PKN3: variants seen among roughly 807,000 people sequenced by gnomAD.
PKN3 encodes the protein serine/threonine-protein kinase N3.
PKN3 carries 91 observed loss-of-function variants against 113.1 expected under a neutral mutation model. The ratio of observed to expected loss-of-function variants is 0.80; its 90% CI spans 0.68 to 0.96. PKN3 has a LOEUF of 0.96. Ranked by LOEUF, PKN3 falls within the 40% of genes least tolerant of loss-of-function variation. The probability of loss-of-function intolerance (pLI) is 0.00; values close to 1 mark genes in which losing one functional copy is unlikely to be tolerated. For missense variants in PKN3, 1,052 were observed against 1,202.2 expected (o/e 0.88, Z 1.85); for synonymous variants, 467 against 499.0 (o/e 0.94, Z 0.85).
At chr9:128,708,337 C>T (rs1157106066) in intron 6 of PKN3, among the ~76,000 whole-genome samples, 1 of 151,764 alleles carries the variant, frequency 6.6e-6, no homozygotes, top group Non-Finnish European at 1.5e-5. Context: ...GCTGAGATTG[C>T]GCCGCTGCAC....
intron 3 of PKN3, among the ~76,000 whole-genome samples, chr9:128,706,443 A>G (rs1425657382): frequency 6.7e-6 from 1 of 148,698 alleles, no homozygotes; most frequent in Non-Finnish European, 1.5e-5. Flanking sequence ...CTGATGGGGG[A>G]GAGTTAGCCC....
rs775281265 is a variant in PKN3, at chr9:128,713,397, G to T, written c.1092+10G>T. On this transcript the variant is annotated intron_variant, in intron 8 of 21. Transcript: ENST00000291906. ...CATCCCACTGGAGCGAGTAAGGCTG[G>T]CCTTTGTGTGGTCAGGGGTGACCTT... 30 of 1,613,612 alleles carry T rather than the reference G, an allele frequency of 1.9e-5. No homozygotes were observed. Among genetic ancestry groups the T allele is most frequent in the Non-Finnish European group, 2.5e-5 (30 of 1,179,810 alleles).
chr9:128,711,607 G>T (rs1489398221), intron 6 of PKN3, among the ~76,000 whole-genome samples: 10 of 131,666 alleles, frequency 7.6e-5, no homozygotes, highest in South Asian at 2.4e-4. Context: ...CTTTTTTTTG[G>T]GGGGGGTGGG....
At chr9:128,708,070 CAAAA>C (rs61519902) in intron 6 of PKN3, among the ~76,000 whole-genome samples, 4 of 68,306 alleles carry the variant, frequency 5.9e-5, no homozygotes, top group Non-Finnish European at 6.1e-5. Flanking sequence ...GACGCCGTCG[CAAAA>C]AAAAAAAAAA....
rs1862502009 is a variant in PKN3, at chr9:128,720,428, TC to T, written c.2494del (p.Gln832SerfsTer28). 1.2e-6 allele frequency: 2 copies of T among 1,613,122 alleles called. No individual in the cohort carries two copies. Among genetic ancestry groups the T allele is most frequent in the African/African-American group, 2.7e-5 (2 of 74,882 alleles). ...TNWQALLART[I>X]QPPFVPTLCG... Reference sequence around the variant, plus strand: ...TGGCAAGCCCTGCTCGCCCGCACCATCCAGCCCCCCTTCGTGCCTACCCTGT... The same window carrying T: ...TGGCAAGCCCTGCTCGCCCGCACCATCAGCCCCCCTTCGTGCCTACCCTGT... On this transcript the variant is annotated frameshift_variant, in exon 22 of 22. Transcript: ENST00000291906. LOFTEE classifies it high-confidence loss of function. The surrounding 1 kb of genome is among the most constrained non-coding windows in gnomAD (Gnocchi z 5.5).
At position 128,719,411 on chromosome 9, in the gene PKN3, G is replaced by A. The variant is rs530448156; in HGVS notation, c.2126-275G>A. On this transcript the variant is annotated intron_variant, in intron 18 of 21. Transcript: ENST00000291906. The stretch of plus-strand genomic sequence containing the variant: ...TCACCATGTTGGCCAGGCTGGTCTC[G>A]AACTCCTGACCTCATGATCTGCCCA... Among the ~76,000 whole-genome samples the A allele has an allele frequency of 6.6e-5, 10 of 151,756 alleles. No homozygotes were observed. The South Asian group carries it at 1.5e-3, about 22-fold the overall frequency.
chr9:128,708,609 C>G (rs892392669), intron 6 of PKN3, among the ~76,000 whole-genome samples: 10 of 151,942 alleles, frequency 6.6e-5, no homozygotes, highest in African/African-American at 2.2e-4. Context: ...CTTTGGGAGG[C>G]TGAGGTGGAC....
At chr9:128,711,605 T>G (rs1195148536) in intron 6 of PKN3, among the ~76,000 whole-genome samples, 5 of 150,096 alleles carry the variant, frequency 3.3e-5, no homozygotes, top group African/African-American at 7.4e-5. Context: ...GCCTTTTTTT[T>G]GGGGGGGGTG....
Position 128,714,302 on chromosome 9 carries a change from C to A in PKN3, c.1418C>A (p.Pro473His). 2 of 1,613,180 alleles carry A rather than the reference C, an allele frequency of 1.2e-6. No homozygotes were observed. Among genetic ancestry groups the A allele is most frequent in the Non-Finnish European group, 1.7e-6 (2 of 1,179,558 alleles). ...PPCSSPSTISPPKGCPRTPTT... is the reference protein window; with the variant it reads ...PPCSSPSTISHPKGCPRTPTT... ...TGCAGCTCCCCGAGCACAATCAGCCCCCCTAAAGGATGCCCTCGGACCCCA... is the reference window on the plus strand; with the variant it reads ...TGCAGCTCCCCGAGCACAATCAGCCACCCTAAAGGATGCCCTCGGACCCCA... The change falls in exon 11 of 22, where the codon CCC becomes CAC. Residue 473 changes from proline (P) to histidine (H), a missense_variant. By Grantham distance (77) the Pro-to-His change is moderately conservative. Around this residue, in one of 2 missense-constraint regions of PKN3, gnomAD observed 719 missense variants for 759.4 expected, o/e 0.95. Transcript: ENST00000291906.
At position 128,713,543 on chromosome 9, in the gene PKN3, G is replaced by A; in HGVS notation, c.1137G>A (p.Gln379=). 2 of 1,613,892 alleles carry A rather than the reference G, an allele frequency of 1.2e-6. No homozygotes were observed. The highest frequency in any genetic ancestry group is 1.7e-6 in the Non-Finnish European group (2 of 1,179,990). ...GGGTACACTGGCGGGACTGGCGGCAGCTATGTGGCGTGGCCTTCCTGAGAC... is the reference window on the plus strand; with the variant it reads ...GGGTACACTGGCGGGACTGGCGGCAACTATGTGGCGTGGCCTTCCTGAGAC... ...EIGVHWRDWR[Q]LCGVAFLRLE... The change falls in exon 9 of 22, where the codon CAG becomes CAA. Residue 379 remains glutamine, a synonymous_variant. Coordinates refer to ENST00000291906, the MANE Select transcript of PKN3 (RefSeq NM_013355.5).
At chr9:128,704,340 C>A (rs1263388165) in intron 1 of PKN3, among the ~76,000 whole-genome samples, 1 of 152,172 alleles carries the variant, frequency 6.6e-6, no homozygotes, top group Non-Finnish European at 1.5e-5. Context: ...CTCCCCAGTT[C>A]CTCTCTGTGC....
At chr9:128,703,567 G>C in intron 1 of PKN3, 1 of 985,458 alleles carries the variant, frequency 1.0e-6, no homozygotes, top group Non-Finnish European at 1.2e-6. Context: ...ATGTCTATCT[G>C]CTCCTGAGGA....
intron 6 of PKN3, 43 bp downstream of exon 6, chr9:128,707,448 G>C (rs374636513): frequency 5.9e-6 from 9 of 1,520,706 alleles, no homozygotes; most frequent in Non-Finnish European, 8.0e-6. Flanking sequence ...CCTTCTTTTT[G>C]GGGGGAGGCC....
At chr9:128,719,258 C>T (rs918481110) in intron 18 of PKN3, among the ~76,000 whole-genome samples, 2 of 151,246 alleles carry the variant, frequency 1.3e-5, no homozygotes, top group Non-Finnish European at 2.9e-5. Flanking sequence ...GGCGCAATCT[C>T]GGCTCACTGC....
At chr9:128,716,099 G>A (rs561918217) in intron 15 of PKN3, among the ~76,000 whole-genome samples, 3 of 151,952 alleles carry the variant, frequency 2.0e-5, no homozygotes, top group East Asian at 3.9e-4. Context: ...TTGAGCCCAG[G>A]AGTTCGAGGC....
intron 13 of PKN3, 103 bp downstream of exon 13, chr9:128,714,968 T>C: frequency 1.7e-6 from 2 of 1,206,728 alleles, no homozygotes; most frequent in Non-Finnish European, 2.5e-6. Flanking sequence ...GCGGGTGCGC[T>C]GACTGGCTCT....
intron 2 of PKN3, 66 bp from the exon 3 acceptor site, chr9:128,705,668 G>T: frequency 6.5e-7 from 1 of 1,541,976 alleles, no homozygotes; most frequent in Non-Finnish European, 8.8e-7. Flanking sequence ...GGGGAAGGAG[G>T]AAAGGCCACA....
At chr9:128,713,793 G>C in intron 9 of PKN3, 151 bp downstream of exon 9, 3 of 908,516 alleles carry the variant, frequency 3.3e-6, no homozygotes, top group Non-Finnish European at 1.6e-6. Context: ...CTCTCTCAGG[G>C]CTGCATCTGG....
intron 13 of PKN3, 127 bp downstream of exon 13, chr9:128,714,992 A>C (rs1163824563): frequency 9.2e-7 from 1 of 1,086,700 alleles, no homozygotes; most frequent in South Asian, 1.3e-5. Flanking sequence ...GGTCTGATTT[A>C]CTAAACCCAC....
Sources: allele counts gnomAD v4.1 joint callset (sites outside exome capture counted in the v4.1 genomes callset), GRCh38; gene constraint gnomAD v4.1.1; regional missense constraint gnomAD v4.1.1; non-coding constraint Gnocchi (gnomAD v3.1); transcripts MANE v1.5; gene names NCBI Gene and HGNC (gene_info 2026-07-23, HGNC 2026-07-21).